TENT4B: variants seen among roughly 807,000 people sequenced by gnomAD.
TENT4B encodes terminal nucleotidyltransferase 4B.
In TENT4B, 10 loss-of-function variants were observed where a neutral mutation model predicts 75.0. That is an observed-to-expected ratio of 0.13 (90% CI 0.08 to 0.23). The LOEUF (loss-of-function observed/expected upper bound fraction) is 0.23. Among genes scored for constraint, TENT4B ranks in the 10% least tolerant of loss-of-function variants. The pLI is 1.00. For missense variants in TENT4B, 579 were observed against 893.8 expected (o/e 0.65, Z 4.49); for synonymous variants, 350 against 357.7 (o/e 0.98, Z 0.24).
chr16:50,154,592 T>C (rs1346098141), intron 1 of TENT4B, among the ~76,000 whole-genome samples: 1 of 150,770 alleles, frequency 6.6e-6, no homozygotes, highest in East Asian at 2.0e-4. Context: ...CATCTACCCT[T>C]GACCACCACC....
At chr16:50,187,899 C>G (rs1338723322) in intron 1 of TENT4B, among the ~76,000 whole-genome samples, 1 of 151,978 alleles carries the variant, frequency 6.6e-6, no homozygotes, top group Non-Finnish European at 1.5e-5. Context: ...ACCTCTGATG[C>G]ATAAAATATT....
chr16:50,206,064 G>A (rs2030947923), intron 1 of TENT4B, among the ~76,000 whole-genome samples: 1 of 152,024 alleles, frequency 6.6e-6, no homozygotes, highest in Non-Finnish European at 1.5e-5. Flanking sequence ...TATTTAATTG[G>A]ATCCTGTTGA....
chr16:50,199,995 A>T (rs763367944), intron 1 of TENT4B, among the ~76,000 whole-genome samples: 3 of 152,130 alleles, frequency 2.0e-5, no homozygotes, highest in Non-Finnish European at 4.4e-5. Flanking sequence ...GTGTGTGGAC[A>T]TTGGTTTTCA....
Position 50,153,472 on chromosome 16 carries a change from G to C in TENT4B, c.-150G>C. 4 of 974,040 alleles carry C rather than the reference G, an allele frequency of 4.1e-6. No homozygotes were observed. The highest frequency in any genetic ancestry group is 4.9e-6 in the Non-Finnish European group (4 of 822,654). The allele number at this position is 974,040 out of a possible 1,614,324, so 60.3% of individuals were successfully genotyped here. ...GCCGGGCTCCCTGCGCGACCGCGCCGCCCGCGGCGGGCCCCGAGCAGCAGC... is the reference window on the plus strand; with the variant it reads ...GCCGGGCTCCCTGCGCGACCGCGCCCCCCGCGGCGGGCCCCGAGCAGCAGC... On this transcript the variant is annotated 5_prime_UTR_variant, in exon 1 of 12. Coordinates refer to ENST00000561678, the MANE Select transcript of TENT4B (RefSeq NM_001365324.3).
At chr16:50,222,988 C>G (rs1012915241) in intron 6 of TENT4B, among the ~76,000 whole-genome samples, 186 bp from the exon 7 acceptor site, 2 of 152,188 alleles carry the variant, frequency 1.3e-5, no homozygotes, top group African/African-American at 4.8e-5. Flanking sequence ...CCGCCATTCC[C>G]GCACCATGGG....
rs577818767 is a variant in TENT4B, at chr16:50,184,780, G to A, written c.639-26543G>A. On this transcript the variant is annotated intron_variant, in intron 1 of 11. Transcript: ENST00000561678. ...GGCACAGTCTCACTCTGTTACGCAGGCTGGAGTGTAGTAGGCTTACTGCAG... is the reference window on the plus strand; with the variant it reads ...GGCACAGTCTCACTCTGTTACGCAGACTGGAGTGTAGTAGGCTTACTGCAG... 2.0e-5 allele frequency among the ~76,000 whole-genome samples: 3 copies of A among 152,234 alleles called. No individual in the cohort carries two copies. The South Asian group carries it at 6.2e-4, about 32-fold the overall frequency.
intron 1 of TENT4B, among the ~76,000 whole-genome samples, chr16:50,195,186 GATT>G (rs1178592623): frequency 1.1e-4 from 17 of 152,074 alleles, no homozygotes; most frequent in African/African-American, 3.9e-4. Context: ...TGATTCACAG[GATT>G]ATTGTGGATG....
intron 2 of TENT4B, among the ~76,000 whole-genome samples, chr16:50,212,421 T>A (rs1432114204): frequency 6.6e-6 from 1 of 152,170 alleles, no homozygotes; most frequent in African/African-American, 2.4e-5. Context: ...TCTACAATTT[T>A]GTGTATGCAA....
intron 1 of TENT4B, among the ~76,000 whole-genome samples, chr16:50,178,891 G>A (rs2038358437): frequency 6.6e-6 from 1 of 152,148 alleles, no homozygotes; most frequent in Non-Finnish European, 1.5e-5. Context: ...GGATGGTGGT[G>A]AGGATTGCAC....
intron 1 of TENT4B, among the ~76,000 whole-genome samples, chr16:50,157,463 A>G (rs2037922493): frequency 6.6e-6 from 1 of 152,222 alleles, no homozygotes; most frequent in Non-Finnish European, 1.5e-5. Context: ...AGAGTAAGAT[A>G]TTGGATTTCA....
At chr16:50,184,501 TA>T (rs1262747205) in intron 1 of TENT4B, among the ~76,000 whole-genome samples, 1 of 152,106 alleles carries the variant, frequency 6.6e-6, no homozygotes, top group African/African-American at 2.4e-5. Context: ...ACCCCGTCTC[TA>T]CTAAAAAACA....
At chr16:50,217,787 CTAGGG>C (rs2031638157) in intron 5 of TENT4B, 124 bp downstream of exon 5, 51 of 55,336 alleles carry the variant, frequency 9.2e-4, no homozygotes, top group Non-Finnish European at 1.5e-3. Flanking sequence ...TTAAATAGAG[CTAGGG>C]TCTCACTCTG....
At chr16:50,186,295 A>C (rs1456738845) in intron 1 of TENT4B, among the ~76,000 whole-genome samples, 4 of 150,906 alleles carry the variant, frequency 2.7e-5, no homozygotes, top group Non-Finnish European at 5.9e-5. Context: ...GGAATCCTAC[A>C]TATTTGTCGC....
rs1567518193 is a variant in TENT4B at position 50,231,160 on chromosome 16, CT to C, written c.*1833del. The C allele has an allele frequency of 1.0e-6, 1 of 985,284 alleles. No homozygotes were observed. Among genetic ancestry groups the C allele is most frequent in the African/African-American group, 1.7e-5 (1 of 57,200 alleles). The allele number at this position is 985,284 out of a possible 1,614,324, so 61.0% of individuals were successfully genotyped here. On this transcript the variant is annotated 3_prime_UTR_variant, in exon 12 of 12. Coordinates refer to ENST00000561678, the MANE Select transcript of TENT4B (RefSeq NM_001365324.3). ...TGGAAACTCATAGTACTCGTGTAAA[CT>C]GTGGAAGATTTCAAATGTGATGTTA...
rs2032396220 is a variant in TENT4B, at chr16:50,234,749, A to T, written c.*5421A>T. On this transcript the variant is annotated 3_prime_UTR_variant, in exon 12 of 12. Transcript: ENST00000561678. ...CTAAAAAGCAGCACTGCCTTAACAC[A>T]CATTGTTATGGGTGAAAAGTGAGGG... is the stretch of plus-strand genomic sequence containing the variant. 1 of 985,312 alleles carries T rather than the reference A, an allele frequency of 1.0e-6. No individual in the cohort carries two copies. The highest frequency in any genetic ancestry group is 4.7e-5 in the South Asian group (1 of 21,288). 61.0% of individuals were successfully genotyped at this position (985,312 alleles called of 1,614,324 possible).
chr16:50,234,004 A>G lies in TENT4B; in HGVS notation c.*4676A>G. On this transcript the variant is annotated 3_prime_UTR_variant, in exon 12 of 12. Transcript: ENST00000561678. Reference sequence around the variant, plus strand: ...AACTTAACGTCTTTGTGGCTTCACCACTGAGCTACCTTTCACTACACCAGC... The same window carrying G: ...AACTTAACGTCTTTGTGGCTTCACCGCTGAGCTACCTTTCACTACACCAGC... 5.3e-5 allele frequency: 52 copies of G among 985,438 alleles called. No homozygotes were observed. Among genetic ancestry groups the G allele is most frequent in the Non-Finnish European group, 6.3e-5 (52 of 829,936 alleles). The allele number at this position is 985,438 out of a possible 1,614,324, so 61.0% of individuals were successfully genotyped here.
Position 50,234,548 on chromosome 16 carries a change from A to G in TENT4B, c.*5220A>G. The stretch of plus-strand genomic sequence containing the variant: ...TACCTTTTATATTTAGTTGCAATTT[A>G]TTATAATATGTTGTTTTGTCCCTGA... On this transcript the variant is annotated 3_prime_UTR_variant, in exon 12 of 12. Transcript: ENST00000561678. 2 of 982,346 alleles carry G rather than the reference A, an allele frequency of 2.0e-6. No individual in the cohort carries two copies. The highest frequency in any genetic ancestry group is 2.4e-6 in the Non-Finnish European group (2 of 827,152). The allele number at this position is 982,346 out of a possible 1,614,324, so 60.9% of individuals were successfully genotyped here. A position where few individuals can be genotyped will look rare whatever the true frequency, so the allele number is the denominator to read the frequency against.
Position 50,234,224 on chromosome 16 carries a change from C to T in TENT4B, c.*4896C>T, listed in dbSNP as rs997224255. On this transcript the variant is annotated 3_prime_UTR_variant, in exon 12 of 12. Coordinates refer to ENST00000561678, the MANE Select transcript of TENT4B (RefSeq NM_001365324.3). ...ATCCCAGCACTTTGGGAGGCCGAAG[C>T]GGGAGGATGGCTTGAGGCTGGGAGT... is the stretch of plus-strand genomic sequence containing the variant. The T allele has an allele frequency of 1.1e-5, 11 of 985,420 alleles. No homozygotes were observed. The highest frequency in any genetic ancestry group is 9.4e-5 in the South Asian group (2 of 21,288). The allele number at this position is 985,420 out of a possible 1,614,324, so 61.0% of individuals were successfully genotyped here. A position where few individuals can be genotyped will look rare whatever the true frequency, so the allele number is the denominator to read the frequency against.
chr16:50,233,075 A>C lies in TENT4B; in HGVS notation c.*3747A>C, dbSNP rs1250457956. On this transcript the variant is annotated 3_prime_UTR_variant, in exon 12 of 12. Coordinates refer to ENST00000561678, the MANE Select transcript of TENT4B (RefSeq NM_001365324.3). ...AGGCACATTCTCAAAGTATTTTATG[A>C]GCAAAATATTCTATAAATGCGTCTA... The C allele has an allele frequency of 3.0e-6, 3 of 984,576 alleles. No homozygotes were observed. The highest frequency in any genetic ancestry group is 3.6e-6 in the Non-Finnish European group (3 of 829,220). The allele number at this position is 984,576 out of a possible 1,614,324, so 61.0% of individuals were successfully genotyped here.
Sources: gnomAD v4.1 joint callset for allele counts (sites outside exome capture counted in the v4.1 genomes callset) on GRCh38, gnomAD v4.1.1 for gene constraint, MANE v1.5 for transcripts, NCBI Gene and HGNC (gene_info 2026-07-23, HGNC 2026-07-21) for gene names.